The following PEPD variants were observed in gnomAD, a reference collection of about 807,000 sequenced individuals.
PEPD encodes xaa-Pro dipeptidase.
PEPD carries 53 observed loss-of-function variants against 60.7 expected under a neutral mutation model. That is an observed-to-expected ratio of 0.87 (90% CI 0.70 to 1.10). PEPD has a LOEUF of 1.10. Ranked by LOEUF, PEPD falls within the 50% of genes least tolerant of loss-of-function variation. The pLI is 0.00. For missense variants in PEPD, 711 were observed against 711.9 expected, an observed-to-expected ratio of 1.00 and a Z score of 0.01; for synonymous variants, 267 against 284.1, an observed-to-expected ratio of 0.94 and a Z score of 0.60.
At chr19:33,391,826 A>T (rs1456166813) in intron 12 of PEPD, among the ~76,000 whole-genome samples, 1 of 152,140 alleles carries the variant, frequency 6.6e-6, no homozygotes, top group Non-Finnish European at 1.5e-5. Context: ...GCCCAGGGAA[A>T]CCTAGCCAAA....
At chr19:33,392,425 T>A (rs2145329509) in intron 12 of PEPD, among the ~76,000 whole-genome samples, 1 of 152,342 alleles carries the variant, frequency 6.6e-6, no homozygotes, top group Admixed American at 6.5e-5. Flanking sequence ...TGGACTTGGC[T>A]TGAGCACCAG....
chr19:33,415,286 G>A lies in PEPD; in HGVS notation c.672-1643C>T, dbSNP rs113421108. Among the ~76,000 whole-genome samples, 852 of 151,284 alleles carry A rather than the reference G, an allele frequency of 5.6e-3. 10 individuals carry two copies. The highest frequency in any genetic ancestry group is 0.02 in the African/African-American group (811 of 41,516). Reference sequence around the variant, plus strand: ...GGACAAGTGACCTGCAGACAACCACGGGCTGCGCTGGGACTGGCCGGCTTC... The same window carrying A: ...GGACAAGTGACCTGCAGACAACCACAGGCTGCGCTGGGACTGGCCGGCTTC... On this transcript the variant is annotated intron_variant, in intron 9 of 14. Transcript: ENST00000244137.
At chr19:33,457,281 A>C (rs1025761620) in intron 9 of PEPD, among the ~76,000 whole-genome samples, 1 of 152,124 alleles carries the variant, frequency 6.6e-6, no homozygotes, top group Admixed American at 6.5e-5. Flanking sequence ...AAAATAAAAA[A>C]TTAGCTGGGC....
chr19:33,418,814 C>T (rs576065902), intron 9 of PEPD, among the ~76,000 whole-genome samples: 4 of 152,302 alleles, frequency 2.6e-5, no homozygotes, highest in Admixed American at 1.3e-4. Context: ...TCTGAGGCTC[C>T]GAGTGCCTGA....
At chr19:33,412,966 T>C (rs944551521) in intron 10 of PEPD, among the ~76,000 whole-genome samples, 3 of 152,210 alleles carry the variant, frequency 2.0e-5, no homozygotes, top group Admixed American at 2.0e-4. Flanking sequence ...ATCACTGTCA[T>C]TTCTACCATG....
chr19:33,468,711 T>C (rs1197140396), intron 7 of PEPD, among the ~76,000 whole-genome samples: 3 of 152,128 alleles, frequency 2.0e-5, no homozygotes, highest in Non-Finnish European at 4.4e-5. Flanking sequence ...AGCGACACCT[T>C]CCCGAGACCA....
chr19:33,428,657 C>G (rs114866732), intron 9 of PEPD, among the ~76,000 whole-genome samples: 1 of 152,328 alleles, frequency 6.6e-6, no homozygotes, highest in African/African-American at 2.4e-5. Flanking sequence ...ACCAAAAGCC[C>G]TCTGTAGGCA....
In PEPD at chr19:33,413,448, G is replaced by A. The variant is rs8111980; in HGVS notation, c.740+127C>T. 14,400 of 665,180 alleles carry A rather than the reference G, an allele frequency of 0.022. 1,469 individuals carry two copies. The African/African-American group carries it at 0.22, about 10-fold the overall frequency. The allele number at this position is 665,180 out of a possible 1,614,324, so 41.2% of individuals were successfully genotyped here. A position where few individuals can be genotyped will look rare whatever the true frequency, so the allele number is the denominator to read the frequency against. ...GAGGAGCGACTTCCAAGCTTGGGCC[G>A]GGCGCTGGTGTGGGCGTGTGAGTGA... On this transcript the variant is annotated intron_variant, in intron 10 of 14. Coordinates refer to ENST00000244137, the MANE Select transcript of PEPD (RefSeq NM_000285.4).
intron 7 of PEPD, among the ~76,000 whole-genome samples, chr19:33,470,883 G>A (rs1035499768): frequency 3.9e-5 from 6 of 152,030 alleles, no homozygotes; most frequent in Admixed American, 2.0e-4. Context: ...CCACTGCCTC[G>A]TCCCAGTCCC....
At chr19:33,426,991 C>G (rs1042807936) in intron 9 of PEPD, among the ~76,000 whole-genome samples, 1 of 152,224 alleles carries the variant, frequency 6.6e-6, no homozygotes, top group South Asian at 2.1e-4. Flanking sequence ...TTTATGGCAG[C>G]GAACCGGCTG....
chr19:33,478,085 T>A lies in PEPD; in HGVS notation c.509A>T (p.Glu170Val), dbSNP rs61748998. The part of the protein sequence containing the change: ...EASFDGISKF[E>V]VNNTILHPEI... ...TGGGTGAAGAATGGTATTGTTGACTTCGAACCTGTAGGGCGAAAAGAAATC... is the reference window on the plus strand; with the variant it reads ...TGGGTGAAGAATGGTATTGTTGACTACGAACCTGTAGGGCGAAAAGAAATC... The change falls in exon 7 of 15, where the codon GAA (glutamate) becomes GTA (valine). Residue 170 changes from glutamate (E) to valine (V), a missense_variant. Coordinates refer to ENST00000244137, the MANE Select transcript of PEPD (RefSeq NM_000285.4). The A allele has an allele frequency of 2.5e-3, 3,966 of 1,609,342 alleles. 73 individuals are homozygous for A. In the African/African-American group the frequency reaches 0.046, roughly 18 times the overall value.
At position 33,436,187 on chromosome 19, in the gene PEPD, AGAG is replaced by A. The variant is rs1216142532; in HGVS notation, c.672-22547_672-22545del. ...GGAAGGAGAGGGAGAAAGAGGAGGA[AGAG>A]GAGAAGGAAGAGGAAAGAGAAGAGG... is the stretch of plus-strand genomic sequence containing the variant. On this transcript the variant is annotated intron_variant, in intron 9 of 14. Coordinates refer to ENST00000244137, the MANE Select transcript of PEPD (RefSeq NM_000285.4). Among the ~76,000 whole-genome samples, 3 of 151,598 alleles carry A rather than the reference AGAG, an allele frequency of 2.0e-5. No homozygotes were observed. In the East Asian group the frequency reaches 5.8e-4, roughly 29 times the overall value.
intron 10 of PEPD, among the ~76,000 whole-genome samples, 187 bp from the exon 11 acceptor site, chr19:33,411,936 C>A (rs957780439): frequency 3.9e-5 from 6 of 152,226 alleles, no homozygotes; most frequent in African/African-American, 2.4e-5. Context: ...TGTCACCCCG[C>A]AGTCACATGG....
chr19:33,506,056 A>G (rs1212095439), intron 3 of PEPD, among the ~76,000 whole-genome samples: 1 of 133,992 alleles, frequency 7.5e-6, no homozygotes, highest in African/African-American at 2.8e-5. Flanking sequence ...ACTCCCACCC[A>G]CCACACCCCC....
intron 6 of PEPD, among the ~76,000 whole-genome samples, chr19:33,479,527 C>A (rs1041503867): frequency 6.6e-6 from 1 of 151,818 alleles, no homozygotes; most frequent in African/African-American, 2.4e-5. Flanking sequence ...AAGTCTAGTG[C>A]CCATTAGTTA....
chr19:33,442,075 C>T (rs1969488523), intron 9 of PEPD, among the ~76,000 whole-genome samples: 1 of 152,216 alleles, frequency 6.6e-6, no homozygotes, highest in Non-Finnish European at 1.5e-5. Context: ...TACTGAGCCT[C>T]TTTGTTCCTC....
At chr19:33,458,684 C>CTGTGGTG (rs796221100) in intron 9 of PEPD, among the ~76,000 whole-genome samples, 1 of 88,488 alleles carries the variant, frequency 1.1e-5, no homozygotes, top group Admixed American at 1.1e-4. Context: ...TGGTGGAGGT[C>CTGTGGTG]TGTGGTGTGT....
Position 33,521,774 on chromosome 19 carries a change from CG to C in PEPD, c.-15del. 6.5e-7 allele frequency: 1 copy of C among 1,527,904 alleles called. No homozygotes were observed. 94.6% of individuals were successfully genotyped at this position (1,527,904 alleles called of 1,614,324 possible). On this transcript the variant is annotated 5_prime_UTR_variant, in exon 1 of 15. Coordinates refer to ENST00000244137, the MANE Select transcript of PEPD (RefSeq NM_000285.4). ...GGCCGCCGCCATGTTCGCCCGGCAC[CG>C]GCGTCACGTGAAGTGCGGCGTCAGC...
intron 7 of PEPD, among the ~76,000 whole-genome samples, chr19:33,466,447 T>C (rs1970017777): frequency 6.6e-6 from 1 of 152,228 alleles, no homozygotes; most frequent in Non-Finnish European, 1.5e-5. Context: ...TCACCTGGGA[T>C]GTATTCTGGC....
Sources: gnomAD v4.1 joint callset for allele counts (sites outside exome capture counted in the v4.1 genomes callset) on GRCh38, gnomAD v4.1.1 for gene constraint, MANE v1.5 for transcripts, NCBI Gene and HGNC (gene_info 2026-07-23, HGNC 2026-07-21) for gene names.